SLC38A1: variants seen among roughly 807,000 people sequenced by gnomAD.
The protein encoded by SLC38A1 is sodium-coupled neutral amino acid symporter 1.
SLC38A1 carries 18 observed loss-of-function variants against 60.3 expected under a neutral mutation model. The ratio of observed to expected loss-of-function variants is 0.30; its 90% CI spans 0.21 to 0.44. SLC38A1 has a LOEUF of 0.44. SLC38A1 is among the 20% of genes least tolerant of loss of function. The pLI, the probability that SLC38A1 is intolerant of heterozygous loss-of-function variation, is 1.00. For missense variants in SLC38A1, 448 were observed against 587.2 expected (o/e 0.76, Z 2.45); for synonymous variants, 196 against 212.1 (o/e 0.92, Z 0.66).
At chr12:46,200,533 C>T (rs886715227) in intron 13 of SLC38A1, among the ~76,000 whole-genome samples, 6 of 152,026 alleles carry the variant, frequency 3.9e-5, no homozygotes, top group East Asian at 1.9e-4. Flanking sequence ...AAGCAGTAAA[C>T]GCCGGTAAAC....
At chr12:46,232,791 A>G (rs1036997853) in intron 3 of SLC38A1, among the ~76,000 whole-genome samples, 5 of 152,204 alleles carry the variant, frequency 3.3e-5, no homozygotes, top group African/African-American at 1.2e-4. Context: ...CATATAACCT[A>G]TGCATATCCT....
intron 5 of SLC38A1, among the ~76,000 whole-genome samples, chr12:46,221,928 T>C (rs1940675441): frequency 6.6e-6 from 1 of 152,116 alleles, no homozygotes; most frequent in Admixed American, 6.5e-5. Context: ...ACCATGAGGA[T>C]TCAGAAGACA....
rs1941390097 is a variant in SLC38A1, at chr12:46,239,926, CAT to C, written c.-93-35_-93-34del. On this transcript the variant is annotated intron_variant, in intron 2 of 16. Coordinates refer to ENST00000398637, the MANE Select transcript of SLC38A1 (RefSeq NM_030674.4). ...ATAGCAAAATAAAAAAATAACTAAA[CAT>C]ATGAAACGCTACTGATTAAAAATAA... 6.5e-6 allele frequency: 5 copies of C among 769,004 alleles called. No individual in the cohort carries two copies. The South Asian group carries it at 9.3e-5, about 14-fold the overall frequency. The allele number at this position is 769,004 out of a possible 1,614,324, so 47.6% of individuals were successfully genotyped here.
intron 5 of SLC38A1, among the ~76,000 whole-genome samples, chr12:46,217,016 T>C (rs1940444286): frequency 6.6e-6 from 1 of 152,242 alleles, no homozygotes; most frequent in Admixed American, 6.5e-5. Flanking sequence ...AAAATGGGTT[T>C]TGTCAAGCTC....
chr12:46,255,995 GTC>G (rs1942006607), intron 1 of SLC38A1, among the ~76,000 whole-genome samples: 2 of 151,924 alleles, frequency 1.3e-5, no homozygotes, highest in Admixed American at 6.6e-5. Context: ...AAGAAACCCT[GTC>G]TCTACTAAAA....
At chr12:46,230,817 TG>T (rs1447131051) in intron 3 of SLC38A1, among the ~76,000 whole-genome samples, 1 of 152,044 alleles carries the variant, frequency 6.6e-6, no homozygotes, top group Admixed American at 6.5e-5. Flanking sequence ...GGCGAGGATG[TG>T]GAAAAAAAGG....
intron 13 of SLC38A1, among the ~76,000 whole-genome samples, chr12:46,199,307 TTGTGTGTG>T (rs71067986): frequency 0.074 from 9,213 of 125,062 alleles, 450 homozygotes; most frequent in African/African-American, 0.14. Context: ...ATGTACTACT[TTGTGTGTG>T]TGTGTGTGTG....
intron 5 of SLC38A1, among the ~76,000 whole-genome samples, chr12:46,217,650 A>C (rs144586902): frequency 2.6e-5 from 4 of 152,362 alleles, no homozygotes; most frequent in African/African-American, 9.6e-5. Flanking sequence ...TACTTACAGA[A>C]AGGAGTAGAA....
At chr12:46,215,072 A>G (rs1940345659) in intron 5 of SLC38A1, among the ~76,000 whole-genome samples, 1 of 152,184 alleles carries the variant, frequency 6.6e-6, no homozygotes. Context: ...CAGCATTTCT[A>G]ACAAGTTGCC....
intron 5 of SLC38A1, among the ~76,000 whole-genome samples, chr12:46,217,201 A>T (rs74082017): frequency 0.015 from 2,351 of 152,284 alleles, 63 homozygotes; most frequent in African/African-American, 0.054. Flanking sequence ...TAAATAAGGT[A>T]ACAAGGAGGT....
chr12:46,190,861 A>T (rs1939116312), intron 16 of SLC38A1, among the ~76,000 whole-genome samples: 1 of 152,064 alleles, frequency 6.6e-6, no homozygotes, highest in African/African-American at 2.4e-5. Context: ...GACTGCAAAG[A>T]TTTTCTCCCA....
In SLC38A1 at chr12:46,227,646, C is replaced by T. The variant is rs185258332; in HGVS notation, c.314+1507G>A. On this transcript the variant is annotated intron_variant, in intron 5 of 16. Transcript: ENST00000398637. Reference sequence around the variant, plus strand: ...TTTATAACTTGACATATTGCAATAACTTTTAAAAAAAGAAATCAATGTAAT... The same window carrying T: ...TTTATAACTTGACATATTGCAATAATTTTTAAAAAAAGAAATCAATGTAAT... Among the ~76,000 whole-genome samples, 100 of 152,226 alleles carry T rather than the reference C, an allele frequency of 6.6e-4. No homozygotes were observed. In the East Asian group the frequency reaches 0.016, roughly 24 times the overall value.
intron 16 of SLC38A1, among the ~76,000 whole-genome samples, chr12:46,192,517 T>C (rs933356526): frequency 1.2e-4 from 18 of 152,224 alleles, no homozygotes; most frequent in Non-Finnish European, 2.6e-4. Context: ...TACCAGCTCC[T>C]CTTTGTACCT....
chr12:46,249,187 A>G (rs1941744882), intron 1 of SLC38A1, among the ~76,000 whole-genome samples: 1 of 151,674 alleles, frequency 6.6e-6, no homozygotes, highest in Admixed American at 6.6e-5. Flanking sequence ...AAACTCACTC[A>G]AAACCGCACA....
At chr12:46,260,404 G>A (rs943487179) in intron 1 of SLC38A1, among the ~76,000 whole-genome samples, 8 of 152,074 alleles carry the variant, frequency 5.3e-5, no homozygotes, top group African/African-American at 9.7e-5. Flanking sequence ...ATTCCTTTGC[G>A]TTATGAAATA....
At position 46,239,889 on chromosome 12, in the gene SLC38A1, C is replaced by A; in HGVS notation, c.-89G>T. On this transcript the variant is annotated 5_prime_UTR_variant, in exon 3 of 17. Transcript: ENST00000398637. ...AGTAGATACCAAAATGGAAGCTTGA[C>A]ACCCCTAAAATATAGCAAAATAAAA... The A allele has an allele frequency of 7.7e-7, 1 of 1,302,728 alleles. No individual in the cohort carries two copies. The highest frequency in any genetic ancestry group is 1.1e-6 in the Non-Finnish European group (1 of 921,030). The allele number at this position is 1,302,728 out of a possible 1,614,324, so 80.7% of individuals were successfully genotyped here.
At chr12:46,222,147 T>C (rs533301031) in intron 5 of SLC38A1, among the ~76,000 whole-genome samples, 1 of 152,308 alleles carries the variant, frequency 6.6e-6, no homozygotes, top group East Asian at 1.9e-4. Context: ...ACCAAAAATA[T>C]ATTTTCTCTC....
Position 46,209,071 on chromosome 12 carries a change from A to G in SLC38A1, c.371T>C (p.Ile124Thr). Reference protein sequence around the residue: ...LSIYSINLLLICSKETGCMVY... With the variant: ...LSIYSINLLLTCSKETGCMVY... ...CAGCTTACCTGTTTCTTTTGAACAG[A>G]TCAATAGGAGGTTTATTGAATATAT... Residue 124 changes from isoleucine to threonine, a missense_variant, in exon 6 of 17, where the codon ATC becomes ACC. Around this residue, in one of 2 missense-constraint regions of SLC38A1, gnomAD observed 346 missense variants for 497.5 expected, o/e 0.70. Coordinates refer to ENST00000398637, the MANE Select transcript of SLC38A1 (RefSeq NM_030674.4). 2.5e-6 allele frequency: 4 copies of G among 1,611,458 alleles called. No individual in the cohort carries two copies. The highest frequency in any genetic ancestry group is 3.4e-6 in the Non-Finnish European group (4 of 1,178,522).
chr12:46,263,077 A>G (rs1304016563), intron 1 of SLC38A1, among the ~76,000 whole-genome samples: 1 of 152,244 alleles, frequency 6.6e-6, no homozygotes, highest in Non-Finnish European at 1.5e-5. Context: ...CTAACAGGAC[A>G]TTGGAACAAA....
Sources: allele counts gnomAD v4.1 joint callset (sites outside exome capture counted in the v4.1 genomes callset), GRCh38; gene constraint gnomAD v4.1.1; regional missense constraint gnomAD v4.1.1; transcripts MANE v1.5; gene names NCBI Gene and HGNC (gene_info 2026-07-23, HGNC 2026-07-21).